NRXN1: variants seen among roughly 807,000 people sequenced by gnomAD.
NRXN1 encodes neurexin 1, also known as neurexin-1.
In NRXN1, 39 loss-of-function variants were observed where a neutral mutation model predicts 150.9. That is an observed-to-expected ratio of 0.26 (90% CI 0.20 to 0.34). The LOEUF (loss-of-function observed/expected upper bound fraction) is 0.34. NRXN1 is among the 10% of genes least tolerant of loss of function. NRXN1 has a pLI of 1.00. For synonymous variants in NRXN1, 924 were observed against 757.0 expected (o/e 1.22, Z -3.62); for missense variants, 1,815 against 1,949.9 (o/e 0.93, Z 1.30).
chr2:51,016,296 C>G (rs577167560), intron 2 of NRXN1, among the ~76,000 whole-genome samples: 57 of 152,082 alleles, frequency 3.7e-4, no homozygotes, highest in African/African-American at 1.3e-3. Flanking sequence ...CACAGCAAAA[C>G]AAACTACCAT....
chr2:50,484,424 G>A (rs764550730), intron 15 of NRXN1, among the ~76,000 whole-genome samples: 4 of 152,148 alleles, frequency 2.6e-5, no homozygotes, highest in Non-Finnish European at 5.9e-5. Context: ...AAGGAGAAAT[G>A]GAGATACTTA....
At chr2:50,500,132 T>TTC (rs1235871647) in intron 13 of NRXN1, among the ~76,000 whole-genome samples, 1 of 152,058 alleles carries the variant, frequency 6.6e-6, no homozygotes, top group African/African-American at 2.4e-5. Flanking sequence ...AAAAAAATAT[T>TTC]TCTAACACTT....
intron 5 of NRXN1, among the ~76,000 whole-genome samples, chr2:50,655,977 G>A (rs1330853961): frequency 6.6e-6 from 1 of 151,888 alleles, no homozygotes; most frequent in Non-Finnish European, 1.5e-5. Context: ...CAAAGAAATG[G>A]GAAAGCATCG....
At chr2:50,699,574 C>A (rs1693437469) in intron 5 of NRXN1, among the ~76,000 whole-genome samples, 1 of 152,030 alleles carries the variant, frequency 6.6e-6, no homozygotes, top group Non-Finnish European at 1.5e-5. Flanking sequence ...GGAATGAGGG[C>A]AGCCTCCAAC....
At chr2:50,356,734 T>G (rs2078845751) in intron 17 of NRXN1, among the ~76,000 whole-genome samples, 1 of 152,220 alleles carries the variant, frequency 6.6e-6, no homozygotes, top group East Asian at 1.9e-4. Context: ...TCTACTAATG[T>G]CTTCCTAATG....
chr2:50,941,662 C>A (rs1326061633), intron 2 of NRXN1, among the ~76,000 whole-genome samples: 1 of 152,112 alleles, frequency 6.6e-6, no homozygotes, highest in Non-Finnish European at 1.5e-5. Context: ...AATTTCTAAG[C>A]AACAAAGCAT....
intron 5 of NRXN1, among the ~76,000 whole-genome samples, chr2:50,640,992 G>A (rs13390911): frequency 6.6e-6 from 1 of 152,026 alleles, no homozygotes; most frequent in Admixed American, 6.6e-5. Flanking sequence ...TCCTGAAACA[G>A]TTTAAGAGAA....
At chr2:50,370,766 C>G (rs1277119027) in intron 17 of NRXN1, among the ~76,000 whole-genome samples, 3 of 151,926 alleles carry the variant, frequency 2.0e-5, no homozygotes, top group African/African-American at 7.2e-5. Context: ...TCAGAAAACT[C>G]CTTTGCTTTA....
At chr2:51,023,921 C>T (rs1051905924) in intron 2 of NRXN1, among the ~76,000 whole-genome samples, 9 of 152,008 alleles carry the variant, frequency 5.9e-5, no homozygotes, top group East Asian at 3.9e-4. Context: ...ATAAGCCATA[C>T]GTGTTTATGG....
At chr2:50,279,893 C>G (rs2071175750) in intron 17 of NRXN1, among the ~76,000 whole-genome samples, 1 of 152,160 alleles carries the variant, frequency 6.6e-6, no homozygotes. Context: ...GGCAGTAACA[C>G]TAAGCCACTT....
chr2:50,004,291 G>A (rs1285073203), intron 21 of NRXN1, among the ~76,000 whole-genome samples: 1 of 152,020 alleles, frequency 6.6e-6, no homozygotes, highest in Non-Finnish European at 1.5e-5. Flanking sequence ...ATTTGTGGTA[G>A]TCCATATGAT....
intron 5 of NRXN1, among the ~76,000 whole-genome samples, chr2:50,897,168 C>T (rs879847674): frequency 6.6e-6 from 1 of 152,182 alleles, no homozygotes; most frequent in Non-Finnish European, 1.5e-5. Context: ...GCTTCAGTGT[C>T]AAGTTGCTTA....
intron 18 of NRXN1, among the ~76,000 whole-genome samples, chr2:50,118,419 A>G (rs1047403313): frequency 9.9e-5 from 15 of 151,900 alleles, no homozygotes; most frequent in African/African-American, 3.6e-4. Flanking sequence ...AAATTATATG[A>G]AATTTCTCTG....
chr2:50,224,693 AAGAGAG>A (rs201700032), intron 18 of NRXN1, among the ~76,000 whole-genome samples: 1,947 of 130,470 alleles, frequency 0.015, 32 homozygotes, highest in African/African-American at 0.038. Flanking sequence ...GAGAGGGAGA[AAGAGAG>A]AGAGAGAGAG....
chr2:50,786,790 C>T (rs767375691), intron 5 of NRXN1, among the ~76,000 whole-genome samples: 6 of 151,998 alleles, frequency 3.9e-5, no homozygotes. Flanking sequence ...GATTAATGCC[C>T]GCATAAGAAT....
intron 5 of NRXN1, among the ~76,000 whole-genome samples, chr2:50,679,661 A>T (rs1441780454): frequency 1.3e-5 from 2 of 152,176 alleles, no homozygotes; most frequent in Admixed American, 1.3e-4. Context: ...AAAAATATAA[A>T]AGTAAATAAA....
At chr2:50,232,698 A>G (rs900723062) in intron 18 of NRXN1, among the ~76,000 whole-genome samples, 1 of 151,780 alleles carries the variant, frequency 6.6e-6, no homozygotes, top group Non-Finnish European at 1.5e-5. Flanking sequence ...TTTCTTATTA[A>G]TCATCACCAT....
intron 19 of NRXN1, among the ~76,000 whole-genome samples, chr2:50,059,341 C>A (rs1224065165): frequency 6.6e-6 from 1 of 152,148 alleles, no homozygotes; most frequent in African/African-American, 2.4e-5. Flanking sequence ...TTCTAAGCAG[C>A]AAAGTGTTCA....
At chr2:50,951,511 A>T (rs1329589108) in intron 2 of NRXN1, among the ~76,000 whole-genome samples, 1 of 152,092 alleles carries the variant, frequency 6.6e-6, no homozygotes, top group Non-Finnish European at 1.5e-5. Flanking sequence ...TAGTTCACTA[A>T]TTTTTTTTCA....
Sources: gnomAD v4.1 joint callset for allele counts (sites outside exome capture counted in the v4.1 genomes callset) on GRCh38, gnomAD v4.1.1 for gene constraint, MANE v1.5 for transcripts, NCBI Gene and HGNC (gene_info 2026-07-23, HGNC 2026-07-21) for gene names.